Variants in SPATS2L observed in about 807,000 individuals in gnomAD.
The protein encoded by SPATS2L is SPATS2-like protein.
Under a neutral mutation model 59.6 loss-of-function variants are expected in SPATS2L, and 30 were observed. The observed-to-expected ratio is 0.50, with a 90% CI of 0.38 to 0.68. The LOEUF (loss-of-function observed/expected upper bound fraction) is 0.68. SPATS2L is among the 30% of genes least tolerant of loss of function. The pLI, the probability that SPATS2L is intolerant of heterozygous loss-of-function variation, is 0.00. For synonymous variants in SPATS2L, 252 were observed against 263.5 expected (o/e 0.96, Z 0.42); for missense variants, 615 against 700.0 (o/e 0.88, Z 1.37).
intron 2 of SPATS2L, among the ~76,000 whole-genome samples, chr2:200,363,783 C>T (rs1004460894): frequency 2.6e-5 from 4 of 152,032 alleles, no homozygotes; most frequent in African/African-American, 9.7e-5. Context: ...TAGTGTGTAC[C>T]TTTTCTGCAT....
chr2:200,450,831 G>A (rs2085386373), intron 8 of SPATS2L, among the ~76,000 whole-genome samples: 1 of 152,178 alleles, frequency 6.6e-6, no homozygotes, highest in South Asian at 2.1e-4. Context: ...GAATGGAGCT[G>A]GGGGGAGGAA....
intron 6 of SPATS2L, among the ~76,000 whole-genome samples, chr2:200,430,173 T>C (rs928223876): frequency 6.6e-6 from 1 of 152,182 alleles, no homozygotes; most frequent in South Asian, 2.1e-4. Flanking sequence ...TGTCTTTCAT[T>C]ACCATTGTAT....
intron 1 of SPATS2L, among the ~76,000 whole-genome samples, chr2:200,323,592 G>A (rs2079634610): frequency 6.6e-6 from 1 of 152,092 alleles, no homozygotes; most frequent in Admixed American, 6.5e-5. Context: ...TACTGCCCTG[G>A]AAACCCCTGG....
chr2:200,440,037 C>A (rs939820075), intron 7 of SPATS2L, among the ~76,000 whole-genome samples: 2 of 152,210 alleles, frequency 1.3e-5, no homozygotes, highest in African/African-American at 4.8e-5. Context: ...CCAAACATGG[C>A]CTGATTGTGA....
In SPATS2L at chr2:200,481,050, A is replaced by G. The variant is rs2087765063; in HGVS notation, c.*3019A>G. ...ACCTCCCTGTTGGGTTCCCAATTAC[A>G]TTCCAAATTTACATTTCTTTTGAGA... On this transcript the variant is annotated 3_prime_UTR_variant, in exon 13 of 13. Coordinates refer to ENST00000409140, the MANE Select transcript of SPATS2L (RefSeq NM_001100423.2). 6.6e-6 allele frequency: 1 copy of G among 152,170 alleles called. No individual in the cohort carries two copies. The highest frequency in any genetic ancestry group is 2.4e-5 in the African/African-American group (1 of 41,446). The allele number at this position is 152,170 out of a possible 1,614,324, so 9.4% of individuals were successfully genotyped here. A position where few individuals can be genotyped will look rare whatever the true frequency, so the allele number is the denominator to read the frequency against.
intron 10 of SPATS2L, among the ~76,000 whole-genome samples, chr2:200,468,286 T>C (rs2086740965): frequency 6.8e-6 from 1 of 147,994 alleles, no homozygotes; most frequent in Non-Finnish European, 1.5e-5. Context: ...AGTATAAGTA[T>C]TTACAACAAA....
At chr2:200,416,286 A>G in intron 4 of SPATS2L, 93 bp from the exon 5 acceptor site, 1 of 589,822 alleles carries the variant, frequency 1.7e-6, no homozygotes, top group Middle Eastern at 3.7e-4. Context: ...AAAAAAAAAA[A>G]AAAAGCTGCT....
chr2:200,426,386 C>T (rs2083583704), intron 6 of SPATS2L, among the ~76,000 whole-genome samples: 1 of 152,106 alleles, frequency 6.6e-6, no homozygotes, highest in Non-Finnish European at 1.5e-5. Context: ...ACTCTATTAA[C>T]ATATATATAA....
intron 4 of SPATS2L, among the ~76,000 whole-genome samples, 172 bp from the exon 5 acceptor site, chr2:200,416,207 C>T (rs1574442731): frequency 1.4e-5 from 2 of 143,846 alleles, no homozygotes; most frequent in African/African-American, 5.2e-5. Flanking sequence ...AAATGAAAAT[C>T]TGGGAAATAA....
At chr2:200,359,408 G>C (rs1362127128) in intron 2 of SPATS2L, among the ~76,000 whole-genome samples, 1 of 152,098 alleles carries the variant, frequency 6.6e-6, no homozygotes, top group African/African-American at 2.4e-5. Flanking sequence ...TAGATATCAT[G>C]ATGATGTTTG....
chr2:200,436,486 AG>A (rs200431515), intron 6 of SPATS2L, among the ~76,000 whole-genome samples: 1,852 of 152,272 alleles, frequency 0.012, 26 homozygotes, highest in Middle Eastern at 0.054. Context: ...ACAGCTTTTG[AG>A]GACCTAAAAA....
chr2:200,353,813 T>C (rs530409155), intron 2 of SPATS2L, among the ~76,000 whole-genome samples: 2 of 152,330 alleles, frequency 1.3e-5, no homozygotes, highest in South Asian at 4.1e-4. Flanking sequence ...ACCACTATTG[T>C]AGGAAACTAC....
intron 2 of SPATS2L, among the ~76,000 whole-genome samples, chr2:200,375,785 C>T (rs970852366): frequency 6.6e-6 from 1 of 152,136 alleles, no homozygotes; most frequent in African/African-American, 2.4e-5. Flanking sequence ...TGCAACCACA[C>T]CTGGCTAATT....
intron 2 of SPATS2L, among the ~76,000 whole-genome samples, chr2:200,359,969 T>C (rs1360096676): frequency 6.6e-6 from 1 of 152,082 alleles, no homozygotes; most frequent in Non-Finnish European, 1.5e-5. Flanking sequence ...CCTTTGGGGG[T>C]GTAAGAATAT....
chr2:200,422,768 T>C (rs2083366996), intron 6 of SPATS2L, among the ~76,000 whole-genome samples: 1 of 152,172 alleles, frequency 6.6e-6, no homozygotes, highest in Non-Finnish European at 1.5e-5. Flanking sequence ...ACTGTTTTTT[T>C]CCTGTACTAT....
At chr2:200,439,365 T>C in intron 7 of SPATS2L, 37 bp downstream of exon 7, 1 of 1,557,644 alleles carries the variant, frequency 6.4e-7, no homozygotes, top group Non-Finnish European at 8.8e-7. Flanking sequence ...ATTCAACATA[T>C]TTTGCACATA....
At chr2:200,389,396 T>C (rs901279894) in intron 3 of SPATS2L, 113 bp downstream of exon 3, 1 of 700,946 alleles carries the variant, frequency 1.4e-6, no homozygotes, top group East Asian at 2.7e-5. Context: ...GGGGGATACG[T>C]AGTAAGTTTG....
intron 2 of SPATS2L, among the ~76,000 whole-genome samples, chr2:200,343,881 T>G (rs2080416052): frequency 6.6e-6 from 1 of 152,120 alleles, no homozygotes; most frequent in South Asian, 2.1e-4. Context: ...TATGTATATA[T>G]TCTTAGAAAA....
chr2:200,346,252 A>C (rs2080507969), intron 2 of SPATS2L, among the ~76,000 whole-genome samples: 1 of 152,226 alleles, frequency 6.6e-6, no homozygotes, highest in African/African-American at 2.4e-5. Flanking sequence ...AAAGAGTATT[A>C]TAGCTCCATG....
Sources: gnomAD v4.1 joint callset for allele counts (sites outside exome capture counted in the v4.1 genomes callset) on GRCh38, gnomAD v4.1.1 for gene constraint, MANE v1.5 for transcripts, NCBI Gene and HGNC (gene_info 2026-07-23, HGNC 2026-07-21) for gene names.